Variants in ENPP2 observed in about 807,000 individuals in gnomAD.
ENPP2 encodes autotaxin.
ENPP2 carries 51 observed loss-of-function variants against 120.2 expected under a neutral mutation model. The ratio of observed to expected loss-of-function variants is 0.42; its 90% CI spans 0.34 to 0.54. The LOEUF (loss-of-function observed/expected upper bound fraction) is 0.54. ENPP2 is among the 20% of genes least tolerant of loss of function. ENPP2 has a pLI of 0.04. For missense variants in ENPP2, 920 were observed against 1,066.5 expected (o/e 0.86, Z 1.91); for synonymous variants, 365 against 366.4 (o/e 1.00, Z 0.04).
At chr8:119,632,700 C>T (rs1816757774) in intron 2 of ENPP2, among the ~76,000 whole-genome samples, 1 of 152,202 alleles carries the variant, frequency 6.6e-6, no homozygotes, top group South Asian at 2.1e-4. Context: ...GAAACAGGTA[C>T]AATTACTTTT....
chr8:119,647,132 G>C lies in ENPP2; in HGVS notation c.22-8605C>G, dbSNP rs1007709310. ...CTGCCTCAGCCTCTGAAGTAGCTGG[G>C]ATCACCGGCACCCACCACAACACCC... On this transcript the variant is annotated intron_variant, in intron 1 of 25. Coordinates refer to the ENPP2 transcript ENST00000427067. Among the ~76,000 whole-genome samples, 7 of 152,040 alleles carry C rather than the reference G, an allele frequency of 4.6e-5. No homozygotes were observed. The South Asian group carries it at 6.3e-4, about 14-fold the overall frequency.
intron 8 of ENPP2, among the ~76,000 whole-genome samples, chr8:119,614,365 C>T (rs780103007): frequency 3.9e-5 from 6 of 151,950 alleles, no homozygotes; most frequent in Non-Finnish European, 7.4e-5. Flanking sequence ...ACGCCCGGCC[C>T]CTCCTAGGAA....
At chr8:119,632,369 A>T (rs1326830860) in intron 2 of ENPP2, among the ~76,000 whole-genome samples, 1 of 152,214 alleles carries the variant, frequency 6.6e-6, no homozygotes, top group East Asian at 1.9e-4. Context: ...GGAGGCTTGA[A>T]ATTTCTTATG....
chr8:119,640,955 C>T (rs969722177), upstream of ENPP2, among the ~76,000 whole-genome samples: 4 of 152,100 alleles, frequency 2.6e-5, no homozygotes, highest in East Asian at 7.7e-4. Flanking sequence ...CCATGTTGGT[C>T]AGGATGGTCT....
chr8:119,641,785 C>A (rs775626641), upstream of ENPP2, among the ~76,000 whole-genome samples: 27 of 152,146 alleles, frequency 1.8e-4, no homozygotes, highest in Non-Finnish European at 1.0e-4. Context: ...CAAGAACTGG[C>A]ACAATAGGTT....
chr8:119,582,487 A>G lies in ENPP2; in HGVS notation c.1659T>C (p.Tyr553=). The part of the protein sequence containing the change: ...TMPEEVTRPN[Y]PGIMYLQSDF... ...CAGACTGAAGGTACATAATCCCTGGATAATTGGGTCTGGTAACTTCCTCTG... is the reference window on the plus strand; with the variant it reads ...CAGACTGAAGGTACATAATCCCTGGGTAATTGGGTCTGGTAACTTCCTCTG... Residue 553 remains tyrosine, a synonymous_variant, in exon 18 of 25, where the codon TAT becomes TAC. Coordinates refer to ENST00000075322, the MANE Select transcript of ENPP2 (RefSeq NM_001040092.3). 6.2e-7 allele frequency: 1 copy of G among 1,614,136 alleles called. No homozygotes were observed. Among genetic ancestry groups the G allele is most frequent in the Non-Finnish European group, 8.5e-7 (1 of 1,179,980 alleles).
At chr8:119,666,721 G>A (rs1359527409) in intron 1 of ENPP2, among the ~76,000 whole-genome samples, 1 of 151,696 alleles carries the variant, frequency 6.6e-6, no homozygotes, top group Admixed American at 6.6e-5. Flanking sequence ...CGGAGGTTGT[G>A]GTGAGCCGAG....
chr8:119,620,554 T>C (rs1398223998), intron 4 of ENPP2, among the ~76,000 whole-genome samples: 1 of 152,218 alleles, frequency 6.6e-6, no homozygotes, highest in African/African-American at 2.4e-5. Context: ...ACATCAGAGA[T>C]AATGAAAAGG....
intron 10 of ENPP2, among the ~76,000 whole-genome samples, chr8:119,601,084 A>G (rs1205637890): frequency 1.3e-5 from 2 of 152,176 alleles, no homozygotes; most frequent in East Asian, 1.9e-4. Flanking sequence ...AACTAACTGC[A>G]TTACAGAGAA....
Position 119,621,490 on chromosome 8 carries a change from A to T in ENPP2, c.322T>A (p.Cys108Ser), listed in dbSNP as rs1472597650. The part of the protein sequence containing the change: ...ARGWECTKDR[C>S]GEVRNEENAC... ...TTTTCTTCATTTCTGACTTCTCCAC[A>T]TCTGTCCTTAGTACACTCCCAGCCA... The change falls in exon 4 of 25, where the codon TGT becomes AGT. Residue 108 changes from cysteine to serine, a missense_variant. Physicochemically the swap from Cys to Ser is moderately radical, Grantham distance 112. Coordinates refer to ENST00000075322, the MANE Select transcript of ENPP2 (RefSeq NM_001040092.3). 1 of 1,613,372 alleles carries T rather than the reference A, an allele frequency of 6.2e-7. No individual in the cohort carries two copies. The highest frequency in any genetic ancestry group is 2.2e-5 in the East Asian group (1 of 44,866).
intron 24 of ENPP2, among the ~76,000 whole-genome samples, chr8:119,559,896 A>T (rs998763352): frequency 6.6e-6 from 1 of 152,216 alleles, no homozygotes; most frequent in African/African-American, 2.4e-5. Context: ...TTCTACATGA[A>T]CAGGTGACCC....
At chr8:119,662,952 A>G (rs72688241) in intron 1 of ENPP2, among the ~76,000 whole-genome samples, 14,077 of 152,108 alleles carry the variant, frequency 0.093, 888 homozygotes, top group South Asian at 0.19. Context: ...CTCTACCAAA[A>G]ATATATTTTT....
At chr8:119,666,171 C>T (rs1193900402) in intron 1 of ENPP2, among the ~76,000 whole-genome samples, 1 of 152,160 alleles carries the variant, frequency 6.6e-6, no homozygotes, top group African/African-American at 2.4e-5. Context: ...AGTTAATATA[C>T]TTATCTCTAA....
chr8:119,608,039 T>G, intron 8 of ENPP2, 62 bp from the exon 9 acceptor site: 5 of 1,162,892 alleles, frequency 4.3e-6, no homozygotes, highest in South Asian at 1.4e-5. Flanking sequence ...GAAGAAAAAG[T>G]TTTTAAAATA....
intron 8 of ENPP2, among the ~76,000 whole-genome samples, chr8:119,609,931 A>T (rs2130648839): frequency 6.6e-6 from 1 of 152,346 alleles, no homozygotes; most frequent in East Asian, 1.9e-4. Context: ...GGTAGAATAC[A>T]TGCTGATGTT....
At chr8:119,623,882 T>A (rs983408176) in intron 3 of ENPP2, among the ~76,000 whole-genome samples, 2 of 152,166 alleles carry the variant, frequency 1.3e-5, no homozygotes, top group African/African-American at 4.8e-5. Context: ...TCCCTCAGCC[T>A]CCCAAAGTGC....
At chr8:119,565,107 G>A (rs1004464890) in intron 22 of ENPP2, 152 bp from the exon 23 acceptor site, 1 of 617,822 alleles carries the variant, frequency 1.6e-6, no homozygotes, top group Non-Finnish European at 2.8e-6. Context: ...CAATTCTATG[G>A]CATTACCAGT....
intron 1 of ENPP2, among the ~76,000 whole-genome samples, chr8:119,650,473 A>G (rs1275933828): frequency 6.6e-6 from 1 of 152,252 alleles, no homozygotes; most frequent in African/African-American, 2.4e-5. Flanking sequence ...ATTGTATAAT[A>G]TATAAATTAT....
chr8:119,612,865 G>A (rs920023114), intron 8 of ENPP2, among the ~76,000 whole-genome samples: 17 of 152,106 alleles, frequency 1.1e-4, no homozygotes, highest in African/African-American at 4.1e-4. Flanking sequence ...ACTCCAGCCT[G>A]GGCGACTATA....
Sources: gnomAD v4.1 joint callset for allele counts (sites outside exome capture counted in the v4.1 genomes callset) on GRCh38, gnomAD v4.1.1 for gene constraint, MANE v1.5 for transcripts, NCBI Gene and HGNC (gene_info 2026-07-23, HGNC 2026-07-21) for gene names.